Variants in EIF3H observed in about 807,000 individuals in gnomAD.
EIF3H encodes the protein eukaryotic translation initiation factor 3 subunit H.
In EIF3H, 26 loss-of-function variants were observed where a neutral mutation model predicts 44.2. The ratio of observed to expected loss-of-function variants is 0.59; its 90% CI spans 0.43 to 0.82. The LOEUF (loss-of-function observed/expected upper bound fraction) is 0.82. Ranked by LOEUF, EIF3H falls within the 40% of genes least tolerant of loss-of-function variation. The pLI is 0.00. For missense variants in EIF3H, 359 were observed against 432.8 expected (o/e 0.83, Z 1.51); for synonymous variants, 166 against 151.9 (o/e 1.09, Z -0.68).
intron 2 of EIF3H, among the ~76,000 whole-genome samples, chr8:116,724,177 G>A (rs934198120): frequency 5.3e-5 from 8 of 152,128 alleles, no homozygotes; most frequent in African/African-American, 7.2e-5. Context: ...GATCTTTAAC[G>A]AGGGTGCCAA....
chr8:116,726,816 A>G (rs1814849355), intron 1 of EIF3H, among the ~76,000 whole-genome samples: 1 of 152,206 alleles, frequency 6.6e-6, no homozygotes, highest in Non-Finnish European at 1.5e-5. Flanking sequence ...TAATATTCCC[A>G]TAAAGATAAG....
At chr8:116,735,442 C>T (rs1485802200) in intron 1 of EIF3H, among the ~76,000 whole-genome samples, 2 of 152,196 alleles carry the variant, frequency 1.3e-5, no homozygotes. Context: ...AAAACATCCA[C>T]ACAAAGACAT....
At chr8:116,645,353 C>T (rs1393180178) in intron 7 of EIF3H, among the ~76,000 whole-genome samples, 2 of 152,214 alleles carry the variant, frequency 1.3e-5, no homozygotes, top group Admixed American at 1.3e-4. Context: ...GACATAATAG[C>T]TGTCAGTCAA....
intron 1 of EIF3H, among the ~76,000 whole-genome samples, chr8:116,737,520 G>A (rs112216103): frequency 6.6e-6 from 1 of 151,946 alleles, no homozygotes; most frequent in Non-Finnish European, 1.5e-5. Flanking sequence ...GCCAGATATG[G>A]TGGCTGGCAC....
intron 2 of EIF3H, among the ~76,000 whole-genome samples, chr8:116,715,710 T>G (rs1399743450): frequency 6.6e-6 from 1 of 152,116 alleles, no homozygotes; most frequent in African/African-American, 2.4e-5. Flanking sequence ...TTTAATTCAG[T>G]GCACTTTATA....
chr8:116,720,978 G>T (rs1814734295), intron 2 of EIF3H, among the ~76,000 whole-genome samples: 1 of 152,050 alleles, frequency 6.6e-6, no homozygotes, highest in Non-Finnish European at 1.5e-5. Flanking sequence ...GAAAAGAAAA[G>T]CCCATTTTCT....
At chr8:116,665,253 A>T (rs1031388276) in intron 2 of EIF3H, among the ~76,000 whole-genome samples, 1 of 152,240 alleles carries the variant, frequency 6.6e-6, no homozygotes, top group Non-Finnish European at 1.5e-5. Flanking sequence ...AAATTAACCA[A>T]TAATAAACCA....
chr8:116,743,121 T>C (rs950842658), intron 1 of EIF3H, among the ~76,000 whole-genome samples: 1 of 152,114 alleles, frequency 6.6e-6, no homozygotes, highest in African/African-American at 2.4e-5. Flanking sequence ...GAAAACACCA[T>C]CTACAAGCCC....
chr8:116,701,466 T>A (rs2130880769), intron 2 of EIF3H, among the ~76,000 whole-genome samples: 1 of 152,324 alleles, frequency 6.6e-6, no homozygotes, highest in Middle Eastern at 3.4e-3. Flanking sequence ...CCCCTCCTCT[T>A]AATTATGGGC....
intron 2 of EIF3H, among the ~76,000 whole-genome samples, chr8:116,706,626 C>T (rs534462969): frequency 7.9e-5 from 12 of 152,250 alleles, no homozygotes; most frequent in African/African-American, 2.9e-4. Context: ...CCTCCATTTC[C>T]CGGTTTCAAG....
At chr8:116,699,275 C>T (rs1814328574) in intron 2 of EIF3H, among the ~76,000 whole-genome samples, 1 of 152,218 alleles carries the variant, frequency 6.6e-6, no homozygotes, top group Non-Finnish European at 1.5e-5. Context: ...ATACTGATAT[C>T]ATGACATACA....
At chr8:116,744,375 T>G (rs891197932) in intron 1 of EIF3H, among the ~76,000 whole-genome samples, 4 of 152,166 alleles carry the variant, frequency 2.6e-5, no homozygotes, top group African/African-American at 9.7e-5. Context: ...ATTAAAAATA[T>G]ATATATTTTG....
chr8:116,731,777 T>A (rs965805396), intron 1 of EIF3H, among the ~76,000 whole-genome samples: 1 of 152,212 alleles, frequency 6.6e-6, no homozygotes, highest in African/African-American at 2.4e-5. Context: ...TAAGAACCGA[T>A]GCTGACTAGA....
chr8:116,706,540 T>A (rs957055135), intron 2 of EIF3H, among the ~76,000 whole-genome samples: 4 of 152,066 alleles, frequency 2.6e-5, no homozygotes, highest in Admixed American at 1.3e-4. Context: ...TATTTATTTA[T>A]TTTATTTATT....
chr8:116,680,973 TAA>T (rs11369605), intron 2 of EIF3H, among the ~76,000 whole-genome samples: 2,422 of 146,608 alleles, frequency 0.017, 74 homozygotes, highest in African/African-American at 0.056. Context: ...ATTTATAAAT[TAA>T]AAAAAAAAAA....
At chr8:116,660,555 T>TAAAC (rs1343042340) in intron 2 of EIF3H, among the ~76,000 whole-genome samples, 1 of 152,072 alleles carries the variant, frequency 6.6e-6, no homozygotes, top group Admixed American at 6.5e-5. Flanking sequence ...GTAGAAAAGC[T>TAAAC]AAACAAACAA....
At chr8:116,688,278 T>C (rs925784102) in intron 2 of EIF3H, among the ~76,000 whole-genome samples, 2 of 152,124 alleles carry the variant, frequency 1.3e-5, no homozygotes, top group African/African-American at 4.8e-5. Flanking sequence ...GGCTGTGAAA[T>C]GGCTAGCTCT....
In EIF3H at chr8:116,701,995, AT is replaced by A. The variant is rs199641830; in HGVS notation, c.289+24020del. On this transcript the variant is annotated intron_variant, in intron 2 of 7. Coordinates refer to ENST00000521861, the MANE Select transcript of EIF3H (RefSeq NM_003756.3). ...GTCTTTGCAAGTTCTGTAAATCTAAATTTTTTTTTTAAATAAAAGATTTAAA... is the reference window on the plus strand; with the variant it reads ...GTCTTTGCAAGTTCTGTAAATCTAAATTTTTTTTTAAATAAAAGATTTAAA... Among the ~76,000 whole-genome samples the A allele has an allele frequency of 1.1e-3, 163 of 151,336 alleles. 1 individual carries two copies. Among genetic ancestry groups the A allele is most frequent in the African/African-American group, 3.1e-3 (126 of 41,276 alleles).
rs531968429 is a variant in EIF3H, at chr8:116,712,994, C to T, written c.289+13022G>A. On this transcript the variant is annotated intron_variant, in intron 2 of 7. Coordinates refer to ENST00000521861, the MANE Select transcript of EIF3H (RefSeq NM_003756.3). Reference sequence around the variant, plus strand: ...AATAGCAAGGATCTTTGGTTACATACTGTAATTGTGACTTTTTGACATTTT... The same window carrying T: ...AATAGCAAGGATCTTTGGTTACATATTGTAATTGTGACTTTTTGACATTTT... Among the ~76,000 whole-genome samples, 11 of 152,080 alleles carry T rather than the reference C, an allele frequency of 7.2e-5. No homozygotes were observed. The East Asian group carries it at 1.7e-3, about 24-fold the overall frequency.
Sources: allele counts gnomAD v4.1 joint callset (sites outside exome capture counted in the v4.1 genomes callset), GRCh38; gene constraint gnomAD v4.1.1; transcripts MANE v1.5; gene names NCBI Gene and HGNC (gene_info 2026-07-23, HGNC 2026-07-21).